The following NEBL variants were observed in gnomAD, a reference collection of about 807,000 sequenced individuals.
NEBL encodes LIM and SH3 protein 2.
In NEBL, 122 loss-of-function variants were observed where a neutral mutation model predicts 140.2. The ratio of observed to expected loss-of-function variants is 0.87; its 90% confidence interval spans 0.75 to 1.01. The LOEUF is 1.01. NEBL is among the 50% of genes least tolerant of loss of function. NEBL has a pLI of 0.00. For missense variants in NEBL, 1,365 were observed against 1,231.3 expected (o/e 1.11, Z -1.62); for synonymous variants, 436 against 398.9 (o/e 1.09, Z -1.11).
At chr10:21,216,164 TTG>T (rs1171757196) in intron 3 of NEBL, among the ~76,000 whole-genome samples, 1 of 151,912 alleles carries the variant, frequency 6.6e-6, no homozygotes, top group Non-Finnish European at 1.5e-5. Context: ...CAGCCACGAG[TTG>T]TCTACAGAGT....
chr10:21,044,426 A>AAAAAAAC (rs1834417025), intron 2 of NEBL, among the ~76,000 whole-genome samples: 1 of 149,624 alleles, frequency 6.7e-6, no homozygotes, highest in Admixed American at 6.7e-5. Context: ...AAAAAAAAAA[A>AAAAAAAC]AGCTCCTAAC....
intron 4 of NEBL, among the ~76,000 whole-genome samples, chr10:20,909,031 T>C (rs1848217734): frequency 6.6e-6 from 1 of 151,914 alleles, no homozygotes; most frequent in Non-Finnish European, 1.5e-5. Flanking sequence ...GGGTACACAG[T>C]AGGTATATAT....
chr10:20,852,713 A>G, intron 9 of NEBL, 64 bp from the exon 10 acceptor site: 1 of 1,313,770 alleles, frequency 7.6e-7, no homozygotes, highest in Non-Finnish European at 1.1e-6. Context: ...ATAAATACTT[A>G]GAAATACAAA....
chr10:20,905,748 T>G (rs1848066567), intron 4 of NEBL, among the ~76,000 whole-genome samples: 1 of 152,126 alleles, frequency 6.6e-6, no homozygotes, highest in South Asian at 2.1e-4. Context: ...GAACCAAAAG[T>G]TCTATGTCAC....
chr10:20,962,356 C>A (rs1836090678), intron 3 of NEBL, among the ~76,000 whole-genome samples: 3 of 152,192 alleles, frequency 2.0e-5, no homozygotes. Flanking sequence ...TACAATTACA[C>A]AATGCTGTAT....
chr10:21,137,274 C>T (rs1839395928), intron 2 of NEBL, among the ~76,000 whole-genome samples: 1 of 152,196 alleles, frequency 6.6e-6, no homozygotes, highest in Non-Finnish European at 1.5e-5. Flanking sequence ...GCATCTGGTA[C>T]TTAATAGTAA....
intron 3 of NEBL, among the ~76,000 whole-genome samples, chr10:21,230,476 T>C (rs1374603899): frequency 6.6e-6 from 1 of 152,200 alleles, no homozygotes; most frequent in East Asian, 1.9e-4. Context: ...TGTAAATTAC[T>C]ATGGTTTCAA....
chr10:20,857,500 AG>A (rs1843197916), intron 9 of NEBL, among the ~76,000 whole-genome samples: 1 of 152,220 alleles, frequency 6.6e-6, no homozygotes, highest in South Asian at 2.1e-4. Flanking sequence ...TTATTAAAAT[AG>A]GTATGGAAAT....
chr10:21,160,654 T>A (rs1241992962), intron 2 of NEBL, among the ~76,000 whole-genome samples: 4 of 33,534 alleles, frequency 1.2e-4, no homozygotes, highest in Non-Finnish European at 1.7e-4. Context: ...TTGGGGAGGG[T>A]GGGTTGGGGG....
intron 2 of NEBL, among the ~76,000 whole-genome samples, chr10:21,162,065 T>C (rs1422435051): frequency 1.3e-5 from 2 of 152,178 alleles, no homozygotes; most frequent in African/African-American, 4.8e-5. Flanking sequence ...ACATCACCAA[T>C]GAGTCAATCA....
intron 26 of NEBL, among the ~76,000 whole-genome samples, chr10:20,790,866 C>T (rs1404409248): frequency 6.6e-6 from 1 of 152,168 alleles, no homozygotes; most frequent in Non-Finnish European, 1.5e-5. Context: ...CTTCCATGAA[C>T]ATGTGGAATC....
chr10:21,143,761 G>T (rs1443641747), intron 2 of NEBL, among the ~76,000 whole-genome samples: 1 of 151,734 alleles, frequency 6.6e-6, no homozygotes, highest in African/African-American at 2.4e-5. Flanking sequence ...AGCTCTGAAG[G>T]TTGCTTCCAG....
intron 3 of NEBL, among the ~76,000 whole-genome samples, chr10:21,230,231 C>A (rs72798578): frequency 0.039 from 5,967 of 152,138 alleles, 184 homozygotes; most frequent in South Asian, 0.14. Context: ...GTGAGTCAAG[C>A]TGGATTTGAA....
At chr10:21,224,130 T>C (rs1241137482) in intron 3 of NEBL, among the ~76,000 whole-genome samples, 1 of 152,222 alleles carries the variant, frequency 6.6e-6, no homozygotes, top group Non-Finnish European at 1.5e-5. Context: ...TTTCGTTTAG[T>C]AGTTTCATAG....
intron 2 of NEBL, among the ~76,000 whole-genome samples, chr10:21,159,177 A>G (rs536870760): frequency 9.9e-5 from 15 of 151,952 alleles, no homozygotes; most frequent in African/African-American, 3.6e-4. Flanking sequence ...TTCAATCAGG[A>G]TTTTATTTTT....
intron 3 of NEBL, among the ~76,000 whole-genome samples, chr10:21,197,959 C>A (rs73609230): frequency 0.14 from 21,747 of 152,010 alleles, 1,737 homozygotes; most frequent in African/African-American, 0.21. Context: ...CCAACTCCTC[C>A]AGGAGATGGA....
intron 3 of NEBL, among the ~76,000 whole-genome samples, chr10:21,208,993 T>C (rs770297486): frequency 2.0e-5 from 3 of 152,118 alleles, no homozygotes; most frequent in Admixed American, 6.5e-5. Context: ...CCTTTGTTTG[T>C]TTTTATACAG....
At chr10:21,018,743 G>A (rs906574359) in intron 3 of NEBL, among the ~76,000 whole-genome samples, 3 of 152,042 alleles carry the variant, frequency 2.0e-5, no homozygotes, top group African/African-American at 7.2e-5. Flanking sequence ...TTAAGAAAGA[G>A]CTTCAGGCCG....
chr10:21,085,930 T>C (rs1279605859), intron 2 of NEBL, among the ~76,000 whole-genome samples: 1 of 151,952 alleles, frequency 6.6e-6, no homozygotes, highest in African/African-American at 2.4e-5. Flanking sequence ...AGGAGGAGCT[T>C]TTATGGAAAT....
Sources: allele counts gnomAD v4.1 joint callset (sites outside exome capture counted in the v4.1 genomes callset), GRCh38; gene constraint gnomAD v4.1.1; transcripts MANE v1.5; gene names NCBI Gene and HGNC (gene_info 2026-07-23, HGNC 2026-07-21).